Variants in ACVR2A observed in about 807,000 individuals in gnomAD.
The protein encoded by ACVR2A is activin receptor type-2A.
ACVR2A carries 7 observed loss-of-function variants against 61.4 expected under a neutral mutation model. The observed-to-expected ratio is 0.11, with a 90% confidence interval of 0.06 to 0.21. The LOEUF (loss-of-function observed/expected upper bound fraction) is 0.21. ACVR2A is among the 10% of genes least tolerant of loss of function. ACVR2A has a pLI of 1.00. For missense variants in ACVR2A, 322 were observed against 621.7 expected, an observed-to-expected ratio of 0.52 and a Z score of 5.13; for synonymous variants, 193 against 208.3, an observed-to-expected ratio of 0.93 and a Z score of 0.63.
chr2:147,899,149 T>G (rs1460812150), intron 2 of ACVR2A, among the ~76,000 whole-genome samples: 1 of 152,114 alleles, frequency 6.6e-6, no homozygotes, highest in Non-Finnish European at 1.5e-5. Context: ...CTCTTCAAGC[T>G]TTTCTAATAA....
At chr2:147,875,076 C>T (rs1036527197) in intron 1 of ACVR2A, among the ~76,000 whole-genome samples, 5 of 151,808 alleles carry the variant, frequency 3.3e-5, no homozygotes, top group South Asian at 2.1e-4. Context: ...GGATTATAGA[C>T]GTTCAAACCA....
chr2:147,861,462 C>G (rs547135820), intron 1 of ACVR2A, among the ~76,000 whole-genome samples: 1 of 152,116 alleles, frequency 6.6e-6, no homozygotes, highest in South Asian at 2.1e-4. Context: ...AGGATCTTTT[C>G]AGAAAAGTGT....
At chr2:147,868,123 A>G (rs1165545446) in intron 1 of ACVR2A, among the ~76,000 whole-genome samples, 2 of 152,176 alleles carry the variant, frequency 1.3e-5, no homozygotes, top group Non-Finnish European at 2.9e-5. Context: ...GAGTGGCTCA[A>G]TGCTGGTGGA....
At chr2:147,872,344 G>C (rs771676328) in intron 1 of ACVR2A, among the ~76,000 whole-genome samples, 6 of 151,794 alleles carry the variant, frequency 4.0e-5, no homozygotes, top group Non-Finnish European at 8.8e-5. Context: ...TTAAAGCATT[G>C]ATAGCTTACC....
At chr2:147,889,029 A>G (rs888295748) in intron 1 of ACVR2A, among the ~76,000 whole-genome samples, 2 of 151,498 alleles carry the variant, frequency 1.3e-5, no homozygotes, top group Non-Finnish European at 1.5e-5. Context: ...ATAATATTCA[A>G]TTTTATCTAA....
chr2:147,866,107 A>G (rs1280053631), intron 1 of ACVR2A, among the ~76,000 whole-genome samples: 1 of 152,166 alleles, frequency 6.6e-6, no homozygotes, highest in Non-Finnish European at 1.5e-5. Flanking sequence ...GGCCAACAAA[A>G]TGGTATCAAG....
Position 147,918,455 on chromosome 2 carries a change from A to G in ACVR2A, c.825A>G (p.Leu275=), listed in dbSNP as rs754769706. The G allele has an allele frequency of 3.2e-5, 51 of 1,607,180 alleles. No homozygotes were observed. The highest frequency in any genetic ancestry group is 2.2e-4 in the Admixed American group (13 of 58,944). ...LITAFHEKGS[L]SDFLKANVVS... Reference sequence around the variant, plus strand: ...TTTCCCTCTTTTTTTAGGGTTCACTATCAGACTTTCTTAAGGCTAATGTGG... The same window carrying G: ...TTTCCCTCTTTTTTTAGGGTTCACTGTCAGACTTTCTTAAGGCTAATGTGG... Residue 275 remains leucine (L), a synonymous_variant, in exon 7 of 11, where the codon CTA becomes CTG. Transcript: ENST00000241416.
chr2:147,891,982 GT>G (rs1248944151), intron 1 of ACVR2A, among the ~76,000 whole-genome samples: 1 of 151,238 alleles, frequency 6.6e-6, no homozygotes, highest in Non-Finnish European at 1.5e-5. Context: ...GTTTTGTTTT[GT>G]TTTTTTGAGA....
chr2:147,850,167 C>T (rs1558957750), intron 1 of ACVR2A, among the ~76,000 whole-genome samples: 2 of 152,052 alleles, frequency 1.3e-5, no homozygotes, highest in African/African-American at 4.8e-5. Flanking sequence ...CATTTTCCTC[C>T]CTTCTTTGTC....
At position 147,845,056 on chromosome 2, in the gene ACVR2A, C is replaced by A; in HGVS notation, c.-97C>A. The A allele has an allele frequency of 2.7e-6, 1 of 372,882 alleles. No homozygotes were observed. Among genetic ancestry groups the A allele is most frequent in the Non-Finnish European group, 5.0e-6 (1 of 202,002 alleles). 23.1% of individuals were successfully genotyped at this position (372,882 alleles called of 1,614,324 possible). On this transcript the variant is annotated 5_prime_UTR_variant, in exon 1 of 11. Coordinates refer to ENST00000241416, the MANE Select transcript of ACVR2A (RefSeq NM_001616.5). ...CTGGGCTTCCGAATATGTTTTATGACGGTTGATTTTACACCAGGAGGTTTG... is the reference window on the plus strand; with the variant it reads ...CTGGGCTTCCGAATATGTTTTATGAAGGTTGATTTTACACCAGGAGGTTTG...
intron 1 of ACVR2A, among the ~76,000 whole-genome samples, chr2:147,859,129 T>C (rs920673819): frequency 2.6e-5 from 4 of 152,192 alleles, no homozygotes; most frequent in African/African-American, 9.6e-5. Flanking sequence ...TTACTTCCAG[T>C]GTTTTAGTCT....
chr2:147,871,665 C>G (rs1224764650), intron 1 of ACVR2A, among the ~76,000 whole-genome samples: 1 of 152,032 alleles, frequency 6.6e-6, no homozygotes, highest in Non-Finnish European at 1.5e-5. Flanking sequence ...TTTTCAGTTT[C>G]AATGGAATTG....
chr2:147,913,413 C>A (rs1246481816), intron 4 of ACVR2A, among the ~76,000 whole-genome samples: 1 of 151,792 alleles, frequency 6.6e-6, no homozygotes, highest in African/African-American at 2.4e-5. Context: ...TTTTTGGCAT[C>A]CCCTCTGGTT....
Position 147,927,510 on chromosome 2 carries a change from T to C in ACVR2A, c.*236T>C, listed in dbSNP as rs1051606866. The C allele has an allele frequency of 1.1e-5, 4 of 376,176 alleles. No individual in the cohort carries two copies. The East Asian group carries it at 1.4e-4, about 13-fold the overall frequency. The allele number at this position is 376,176 out of a possible 1,614,324, so 23.3% of individuals were successfully genotyped here. A position where few individuals can be genotyped will look rare whatever the true frequency, so the allele number is the denominator to read the frequency against. On this transcript the variant is annotated 3_prime_UTR_variant, in exon 11 of 11. Transcript: ENST00000241416. ...CCTTGCAAACTCTATAAAGAAACTT[T>C]TGAAAAAGTGTACATGAAGAATGTA...
chr2:147,852,083 AT>A (rs1685463289), intron 1 of ACVR2A, among the ~76,000 whole-genome samples: 1 of 152,032 alleles, frequency 6.6e-6, no homozygotes, highest in Admixed American at 6.6e-5. Context: ...TCAAATTTAA[AT>A]TTTTTTAAAT....
chr2:147,924,795 A>AGT (rs1368422614), intron 9 of ACVR2A, among the ~76,000 whole-genome samples: 3 of 151,944 alleles, frequency 2.0e-5, no homozygotes, highest in Non-Finnish European at 4.4e-5. Context: ...ATTCTGACTC[A>AGT]GTAGGTCTGG....
At chr2:147,859,219 A>G (rs1685663423) in intron 1 of ACVR2A, among the ~76,000 whole-genome samples, 1 of 152,080 alleles carries the variant, frequency 6.6e-6, no homozygotes, top group Non-Finnish European at 1.5e-5. Flanking sequence ...CTTGGACCAG[A>G]AGCAGCACAT....
intron 1 of ACVR2A, among the ~76,000 whole-genome samples, chr2:147,845,572 A>G (rs1284423485): frequency 6.6e-6 from 1 of 152,074 alleles, no homozygotes; most frequent in Non-Finnish European, 1.5e-5. Context: ...ATCTGAAAGG[A>G]GTATTTAGTG....
intron 10 of ACVR2A, 34 bp downstream of exon 10, chr2:147,926,195 C>G: frequency 6.3e-7 from 1 of 1,589,790 alleles, no homozygotes; most frequent in Non-Finnish European, 8.5e-7. Flanking sequence ...ATTTGAAATT[C>G]CAATAAAACA....
Sources: gnomAD v4.1 joint callset for allele counts (sites outside exome capture counted in the v4.1 genomes callset) on GRCh38, gnomAD v4.1.1 for gene constraint, MANE v1.5 for transcripts, NCBI Gene and HGNC (gene_info 2026-07-23, HGNC 2026-07-21) for gene names.